The following SIPA1L3 variants were observed in gnomAD, a reference collection of about 807,000 sequenced individuals.
The protein encoded by SIPA1L3 is signal-induced proliferation-associated 1-like protein 3.
In SIPA1L3, 59 loss-of-function variants were observed where a neutral mutation model predicts 150.1. The ratio of observed to expected loss-of-function variants is 0.39; its 90% CI spans 0.32 to 0.49. The LOEUF is 0.49. Ranked by LOEUF, SIPA1L3 falls within the 20% of genes least tolerant of loss-of-function variation. The pLI, the probability that SIPA1L3 is intolerant of heterozygous loss-of-function variation, is 0.86. For missense variants in SIPA1L3, 2,211 were observed against 2,489.5 expected (o/e 0.89, Z 2.38); for synonymous variants, 1,070 against 1,077.6 (o/e 0.99, Z 0.14).
chr19:38,192,836 A>G (rs1286036616), intron 17 of SIPA1L3, among the ~76,000 whole-genome samples: 3 of 152,092 alleles, frequency 2.0e-5, no homozygotes, highest in East Asian at 3.9e-4. Flanking sequence ...CAGCCTCCCC[A>G]GGGTTGGGTC....
intron 1 of SIPA1L3, among the ~76,000 whole-genome samples, chr19:37,928,552 G>A (rs765538256): frequency 9.9e-5 from 15 of 152,198 alleles, no homozygotes; most frequent in East Asian, 1.9e-4. Context: ...TCCAGCCTGC[G>A]CAACAGAATG....
intron 1 of SIPA1L3, among the ~76,000 whole-genome samples, chr19:37,956,494 T>G (rs1394970731): frequency 6.7e-6 from 1 of 149,476 alleles, no homozygotes; most frequent in African/African-American, 2.5e-5. Context: ...TTTGTTTTTT[T>G]TTTTTTTTGA....
chr19:38,035,223 T>C (rs1968753118), intron 2 of SIPA1L3, among the ~76,000 whole-genome samples: 2 of 152,222 alleles, frequency 1.3e-5, no homozygotes, highest in South Asian at 4.1e-4. Context: ...CTCTCCTTTC[T>C]GAACTTCTGT....
At chr19:38,075,953 C>T (rs2145809460) in intron 2 of SIPA1L3, among the ~76,000 whole-genome samples, 1 of 152,200 alleles carries the variant, frequency 6.6e-6, no homozygotes, top group Middle Eastern at 3.4e-3. Context: ...ACCATCCTAA[C>T]ATGGTGAAAC....
intron 2 of SIPA1L3, among the ~76,000 whole-genome samples, chr19:38,060,002 T>C (rs1415811387): frequency 6.6e-6 from 1 of 152,142 alleles, no homozygotes; most frequent in Admixed American, 6.5e-5. Flanking sequence ...CTCGAACTTC[T>C]GAGCTCAGGT....
At chr19:38,202,019 C>T in intron 20 of SIPA1L3, 22 bp downstream of exon 20, 1 of 1,595,554 alleles carries the variant, frequency 6.3e-7, no homozygotes, top group Non-Finnish European at 8.5e-7. Flanking sequence ...CTGGGAACAC[C>T]CGGGTTCATA....
At position 38,081,592 on chromosome 19, in the gene SIPA1L3, C is replaced by T. The variant is rs200376502; in HGVS notation, c.27C>T (p.Ser9=). 4.5e-5 allele frequency: 71 copies of T among 1,594,616 alleles called. No individual in the cohort carries two copies. The East Asian group carries it at 1.2e-3, about 26-fold the overall frequency. Residue 9 remains serine (S), a synonymous_variant, in exon 3 of 22, where the codon AGC becomes AGT. Transcript: ENST00000222345. The stretch of plus-strand genomic sequence containing the variant: ...TGACCACCTATCGGGCCATCCCCAG[C>T]GATGGTGTGGACCTGGCAGCCAGCT... MTTYRAIP[S]DGVDLAASCG...
intron 13 of SIPA1L3, among the ~76,000 whole-genome samples, chr19:38,153,793 G>A (rs55750988): frequency 5.3e-4 from 81 of 151,954 alleles, no homozygotes; most frequent in Non-Finnish European, 1.0e-3. Flanking sequence ...AATTAGCCAG[G>A]CGTGGTGGTA....
At chr19:38,000,971 A>C (rs201699338) in intron 1 of SIPA1L3, among the ~76,000 whole-genome samples, 1 of 121,516 alleles carries the variant, frequency 8.2e-6, no homozygotes, top group African/African-American at 3.0e-5. Flanking sequence ...CACATATATA[A>C]CATATATAAC....
chr19:37,996,350 C>T (rs73038640), intron 1 of SIPA1L3, among the ~76,000 whole-genome samples: 7,457 of 152,244 alleles, frequency 0.049, 251 homozygotes, highest in Middle Eastern at 0.099. Context: ...CTCAGCCTCC[C>T]GAGTATCTGG....
chr19:38,100,987 C>T (rs1568550064), intron 5 of SIPA1L3, 65 bp from the exon 6 acceptor site: 10 of 1,486,158 alleles, frequency 6.7e-6, no homozygotes, highest in African/African-American at 1.4e-5. Flanking sequence ...AGACATACCC[C>T]TTGCTCCCTT....
At chr19:37,998,238 C>G (rs1967693295) in intron 1 of SIPA1L3, among the ~76,000 whole-genome samples, 1 of 152,158 alleles carries the variant, frequency 6.6e-6, no homozygotes, top group Admixed American at 6.5e-5. Flanking sequence ...TAGAGTCCCT[C>G]CAGAAAAGCA....
intron 1 of SIPA1L3, among the ~76,000 whole-genome samples, chr19:37,957,896 T>G (rs1280610444): frequency 5.9e-5 from 9 of 151,864 alleles, no homozygotes; most frequent in Admixed American, 5.9e-4. Flanking sequence ...TTTATTTTTG[T>G]GGAGGCAGGG....
chr19:38,127,432 A>G (rs566435169), intron 9 of SIPA1L3, among the ~76,000 whole-genome samples: 1 of 152,306 alleles, frequency 6.6e-6, no homozygotes, highest in Non-Finnish European at 1.5e-5. Context: ...AAATAAACAC[A>G]TTGTCACCCA....
At chr19:38,064,507 G>A (rs1334432606) in intron 2 of SIPA1L3, among the ~76,000 whole-genome samples, 1 of 152,220 alleles carries the variant, frequency 6.6e-6, no homozygotes, top group African/African-American at 2.4e-5. Flanking sequence ...GACCAGCCTG[G>A]CCAACATGGC....
rs1230007600 is a variant in SIPA1L3 at position 38,065,899 on chromosome 19, TCTC to T, written c.-310-15356_-310-15354del. 1.4e-4 allele frequency among the ~76,000 whole-genome samples: 17 copies of T among 117,458 alleles called. 1 individual carries two copies. Among genetic ancestry groups the T allele is most frequent in the African/African-American group, 4.5e-4 (13 of 28,900 alleles). The allele number at this position is 117,458 out of a possible 152,430, so 77.1% of individuals were successfully genotyped here. ...GTCTTGCTCTGTTGCCCGGGTTTGA[TCTC>T]TTATTTATTTATCTATTTATTTATT... On this transcript the variant is annotated intron_variant, in intron 2 of 21. Coordinates refer to ENST00000222345, the MANE Select transcript of SIPA1L3 (RefSeq NM_015073.3).
At chr19:38,168,057 A>G (rs1972247918) in intron 15 of SIPA1L3, among the ~76,000 whole-genome samples, 1 of 152,314 alleles carries the variant, frequency 6.6e-6, no homozygotes, top group Non-Finnish European at 1.5e-5. Context: ...AGGGAAGCAG[A>G]TGAGAATCAG....
intron 2 of SIPA1L3, among the ~76,000 whole-genome samples, chr19:38,040,665 A>T (rs867091533): frequency 3.5e-4 from 54 of 152,146 alleles, no homozygotes; most frequent in African/African-American, 5.5e-4. Context: ...TCCTTTTTTT[A>T]AAAAAAATTC....
chr19:37,954,152 C>T (rs1257233990), intron 1 of SIPA1L3, among the ~76,000 whole-genome samples: 1 of 151,746 alleles, frequency 6.6e-6, no homozygotes, highest in East Asian at 1.9e-4. Flanking sequence ...TAAATTTTTC[C>T]CTGGGAATTT....
Sources: allele counts gnomAD v4.1 joint callset (sites outside exome capture counted in the v4.1 genomes callset), GRCh38; gene constraint gnomAD v4.1.1; transcripts MANE v1.5; gene names NCBI Gene and HGNC (gene_info 2026-07-23, HGNC 2026-07-21).